Variants in PAK4 observed in about 807,000 individuals in gnomAD.
The protein encoded by PAK4 is p21 (RAC1) activated kinase 4.
PAK4 carries 49 observed loss-of-function variants against 53.5 expected under a neutral mutation model. That is an observed-to-expected ratio of 0.92 (90% CI 0.73 to 1.16). The LOEUF (loss-of-function observed/expected upper bound fraction) is 1.16. PAK4 is among the 50% of genes most tolerant of loss of function. PAK4 has a pLI of 0.00. For synonymous variants in PAK4, 376 were observed against 375.6 expected (o/e 1.00, Z -0.01); for missense variants, 824 against 850.7 (o/e 0.97, Z 0.39).
intron 4 of PAK4, 83 bp from the exon 6 acceptor site, chr19:39,174,848 G>A (rs2074568499): frequency 1.3e-6 from 2 of 1,533,810 alleles, no homozygotes; most frequent in Non-Finnish European, 1.8e-6. Flanking sequence ...GAACTGCAGG[G>A]GGAGCCAGGG....
intron 1 of PAK4, among the ~76,000 whole-genome samples, chr19:39,149,331 G>A (rs2074056683): frequency 1.3e-5 from 2 of 152,334 alleles, no homozygotes; most frequent in East Asian, 1.9e-4. Context: ...GGAATTTTGG[G>A]TAGAAAGCTA....
chr19:39,133,574 G>A (rs1022020325), intron 1 of PAK4, among the ~76,000 whole-genome samples: 1 of 152,158 alleles, frequency 6.6e-6, no homozygotes. Context: ...CCGGGGCTAA[G>A]CCTGAGGGTT....
chr19:39,162,597 C>T (rs535703), intron 1 of PAK4, among the ~76,000 whole-genome samples: 1 of 152,094 alleles, frequency 6.6e-6, no homozygotes, highest in Non-Finnish European at 1.5e-5. Context: ...TTCCAGCCTC[C>T]CCTCCCCTCA....
At chr19:39,150,775 C>G (rs1189144609) in intron 1 of PAK4, among the ~76,000 whole-genome samples, 2 of 152,224 alleles carry the variant, frequency 1.3e-5, no homozygotes, top group Non-Finnish European at 2.9e-5. Flanking sequence ...CCAGGCCTGT[C>G]CTTGGCACCC....
At chr19:39,146,477 A>G (rs1158832360) in intron 1 of PAK4, among the ~76,000 whole-genome samples, 1 of 152,232 alleles carries the variant, frequency 6.6e-6, no homozygotes, top group Non-Finnish European at 1.5e-5. Flanking sequence ...TTTTAAATAA[A>G]CCATTACTAT....
intron 1 of PAK4, among the ~76,000 whole-genome samples, chr19:39,163,749 C>T (rs1163748274): frequency 6.6e-6 from 1 of 152,234 alleles, no homozygotes; most frequent in Admixed American, 6.5e-5. Flanking sequence ...AAGGCTGCAC[C>T]TTCCTGCTGC....
chr19:39,172,820 C>G (rs1031284967), intron 2 of PAK4, 98 bp from the exon 4 acceptor site: 2 of 1,009,638 alleles, frequency 2.0e-6, no homozygotes, highest in Admixed American at 2.5e-5. Context: ...TGTCTTGTCT[C>G]TGTGTGTGTC....
Position 39,173,709 on chromosome 19 carries a change from C to T in PAK4, c.797C>T (p.Ala266Val), listed in dbSNP as rs754855816. 1.3e-6 allele frequency: 2 copies of T among 1,581,248 alleles called. No individual in the cohort carries two copies. The highest frequency in any genetic ancestry group is 1.1e-5 in the South Asian group (1 of 87,994). Reference sequence around the variant, plus strand: ...AGCCCTGGAGTGCTGGGACCCCACGCCTCAGAGCCCCAGCTGGCCCCTCCA... The same window carrying T: ...AGCCCTGGAGTGCTGGGACCCCACGTCTCAGAGCCCCAGCTGGCCCCTCCA... The change falls in exon 4 of 9, where the codon GCC becomes GTC. Residue 266 changes from alanine to valine, a missense_variant. Around this residue, in one of 2 missense-constraint regions of PAK4, gnomAD observed 478 missense variants for 435.8 expected, o/e 1.10. Coordinates refer to ENST00000358301, the Ensembl canonical transcript of PAK4. This position sits in a 1 kb window ranked among gnomAD's most constrained non-coding sequence, Gnocchi z 6.9.
At position 39,160,812 on chromosome 19, in the gene PAK4, CT is replaced by C. The variant is rs1401514742; in HGVS notation, c.-22-8716del. On this transcript the variant is annotated intron_variant, in intron 1 of 8. Coordinates refer to ENST00000358301, the Ensembl canonical transcript of PAK4. ...TCAGATTCCCTTCTAACCACGGTGG[CT>C]TTTCTGGTCTTGGTCTGGTCATTGT... is the stretch of plus-strand genomic sequence containing the variant. 2.0e-5 allele frequency among the ~76,000 whole-genome samples: 3 copies of C among 152,250 alleles called. No homozygotes were observed. The East Asian group carries it at 5.8e-4, about 29-fold the overall frequency.
intron 1 of PAK4, among the ~76,000 whole-genome samples, chr19:39,141,922 C>T (rs539552600): frequency 4.6e-5 from 7 of 152,352 alleles, no homozygotes; most frequent in Admixed American, 6.5e-5. Flanking sequence ...CCACGGCGCC[C>T]GGCCCATTTG....
chr19:39,137,754 C>T (rs1003532686), intron 1 of PAK4, among the ~76,000 whole-genome samples: 11 of 151,876 alleles, frequency 7.2e-5, no homozygotes, highest in Non-Finnish European at 1.5e-4. Flanking sequence ...ACAACCTCCG[C>T]CTGCCGGGTT....
Position 39,178,327 on chromosome 19 carries a change from A to G in PAK4, c.1621-97A>G, listed in dbSNP as rs944238296. ...CGCCCCCTGCCCTCCTGCACAGTACATGCCGCCAGCCGACTTGGCAGAGGC... is the reference window on the plus strand; with the variant it reads ...CGCCCCCTGCCCTCCTGCACAGTACGTGCCGCCAGCCGACTTGGCAGAGGC... On this transcript the variant is annotated intron_variant, in intron 8 of 8. Coordinates refer to ENST00000358301, the Ensembl canonical transcript of PAK4. This position sits in a 1 kb window ranked among gnomAD's most constrained non-coding sequence, Gnocchi z 4.4. 5 of 1,370,026 alleles carry G rather than the reference A, an allele frequency of 3.6e-6. No homozygotes were observed. The highest frequency in any genetic ancestry group is 3.0e-6 in the Non-Finnish European group (3 of 1,003,352). 84.9% of individuals were successfully genotyped at this position (1,370,026 alleles called of 1,614,324 possible). A position where few individuals can be genotyped will look rare whatever the true frequency, so the allele number is the denominator to read the frequency against.
chr19:39,160,372 C>T (rs918177710), intron 1 of PAK4, among the ~76,000 whole-genome samples: 15 of 148,686 alleles, frequency 1.0e-4, no homozygotes, highest in Non-Finnish European at 2.1e-4. Flanking sequence ...GACAGACAGA[C>T]AGGTCCCTGC....
intron 2 of PAK4, among the ~76,000 whole-genome samples, chr19:39,170,394 G>A (rs569587822): frequency 2.0e-5 from 3 of 152,268 alleles, no homozygotes; most frequent in Non-Finnish European, 2.9e-5. Flanking sequence ...AGAGCAAAAT[G>A]GCAAGGTTGG....
chr19:39,150,377 G>A (rs1290930274), intron 1 of PAK4, among the ~76,000 whole-genome samples: 1 of 152,148 alleles, frequency 6.6e-6, no homozygotes, highest in Non-Finnish European at 1.5e-5. Flanking sequence ...GTTCAGAGTC[G>A]TCCTTGACAC....
Position 39,175,512 on chromosome 19 carries a change from C to T in PAK4, c.1359+74C>T. ...GGGCTTCCCTGCCTCTTCCCATCCC[C>T]TGTGAGGGTAGGTGAGCTCTGACCC... is the stretch of plus-strand genomic sequence containing the variant. On this transcript the variant is annotated intron_variant, in intron 6 of 8. Coordinates refer to ENST00000358301, the Ensembl canonical transcript of PAK4. The surrounding 1 kb of genome is among the most constrained non-coding windows in gnomAD (Gnocchi z 4.7). The T allele has an allele frequency of 6.8e-7, 1 of 1,466,356 alleles. No individual in the cohort carries two copies. Among genetic ancestry groups the T allele is most frequent in the Non-Finnish European group, 9.3e-7 (1 of 1,076,734 alleles). The allele number at this position is 1,466,356 out of a possible 1,614,324, so 90.8% of individuals were successfully genotyped here. A position where few individuals can be genotyped will look rare whatever the true frequency, so the allele number is the denominator to read the frequency against.
At chr19:39,156,480 G>A (rs898821164) in intron 1 of PAK4, among the ~76,000 whole-genome samples, 6 of 152,206 alleles carry the variant, frequency 3.9e-5, no homozygotes, top group Non-Finnish European at 1.5e-5. Context: ...GTGAGGCGGG[G>A]TGTGCCTGTT....
At chr19:39,126,658 G>A (rs546619250) in intron 1 of PAK4, among the ~76,000 whole-genome samples, 2 of 152,262 alleles carry the variant, frequency 1.3e-5, no homozygotes, top group East Asian at 1.9e-4. Context: ...AAGGTCACCC[G>A]ATGCATAAGT....
chr19:39,167,029 C>T (rs567812591), intron 1 of PAK4, among the ~76,000 whole-genome samples: 9 of 152,326 alleles, frequency 5.9e-5, no homozygotes, highest in African/African-American at 1.2e-4. Context: ...GGAGGCCAGG[C>T]GTCGGAGGAC....
Sources: allele counts gnomAD v4.1 joint callset (sites outside exome capture counted in the v4.1 genomes callset), GRCh38; gene constraint gnomAD v4.1.1; regional missense constraint gnomAD v4.1.1; non-coding constraint Gnocchi (gnomAD v3.1); transcripts MANE v1.5; gene names NCBI Gene and HGNC (gene_info 2026-07-23, HGNC 2026-07-21).